The following NPHP4 variants were observed in gnomAD, a reference collection of about 807,000 sequenced individuals.
The protein encoded by NPHP4 is nephrocystin-4.
A neutral mutation model predicts 155.8 loss-of-function variants in NPHP4; 151 were observed. The observed-to-expected ratio is 0.97, with a 90% CI of 0.85 to 1.11. The LOEUF (loss-of-function observed/expected upper bound fraction) is 1.11. Ranked by LOEUF, NPHP4 falls within the 50% of genes least tolerant of loss-of-function variation. NPHP4 has a pLI of 0.00. For synonymous variants in NPHP4, 845 were observed against 816.8 expected (o/e 1.03, Z -0.59); for missense variants, 1,956 against 1,925.7 (o/e 1.02, Z -0.29).
chr1:5,877,174 G>A lies in NPHP4; in HGVS notation c.2736C>T (p.Arg912=), dbSNP rs754514091. The change falls in exon 20 of 30, where the codon CGC becomes CGT. Residue 912 remains arginine, a synonymous_variant. Transcript: ENST00000378156. ...QDVSRESDAT[R]RRKLERMRSV... ...ACCTCATCCGCTCCAGCTTACGCCTGCGGGTGGCATCCGACTCGCGGCTGA... is the reference window on the plus strand; with the variant it reads ...ACCTCATCCGCTCCAGCTTACGCCTACGGGTGGCATCCGACTCGCGGCTGA... 49 of 1,606,290 alleles carry A rather than the reference G, an allele frequency of 3.1e-5. No individual in the cohort carries two copies. The highest frequency in any genetic ancestry group is 2.7e-4 in the Admixed American group (16 of 59,394).
At chr1:5,957,113 G>A (rs577084102) in intron 6 of NPHP4, among the ~76,000 whole-genome samples, 9 of 152,282 alleles carry the variant, frequency 5.9e-5, no homozygotes, top group African/African-American at 1.7e-4. Context: ...CAGCAGAGGC[G>A]TTCTGCCCTT....
rs559150757 is a variant in NPHP4 at position 5,953,534 on chromosome 1, G to A, written c.674-698C>T. On this transcript the variant is annotated intron_variant, in intron 6 of 29. Coordinates refer to ENST00000378156, the MANE Select transcript of NPHP4 (RefSeq NM_015102.5). ...CTCCAGCAGGAACACGGCCAGCCAC[G>A]CCGCTCCTTACTTTACTGTGTTACC... is the stretch of plus-strand genomic sequence containing the variant. 6.6e-4 allele frequency among the ~76,000 whole-genome samples: 100 copies of A among 152,316 alleles called. No individual in the cohort carries two copies. The South Asian group carries it at 0.013, about 19-fold the overall frequency.
chr1:5,892,218 A>G lies in NPHP4; in HGVS notation c.2144-1190T>C, dbSNP rs1455557682. Among the ~76,000 whole-genome samples the G allele has an allele frequency of 1.3e-5, 2 of 152,190 alleles. No homozygotes were observed. Among genetic ancestry groups the G allele is most frequent in the Non-Finnish European group, 2.9e-5 (2 of 68,016 alleles). ...TGAGAGCTCCCAGCATGAGCGACGCAGAAGATGGGTGATTTCTGCATTTCC... is the reference window on the plus strand; with the variant it reads ...TGAGAGCTCCCAGCATGAGCGACGCGGAAGATGGGTGATTTCTGCATTTCC... On this transcript the variant is annotated intron_variant, in intron 16 of 29. Transcript: ENST00000378156. This position sits in a 1 kb window ranked among gnomAD's most constrained non-coding sequence, Gnocchi z 4.5.
intron 25 of NPHP4, among the ~76,000 whole-genome samples, 192 bp downstream of exon 25, chr1:5,866,838 A>G (rs1003440838): frequency 1.3e-5 from 2 of 152,222 alleles, no homozygotes; most frequent in Non-Finnish European, 2.9e-5. Flanking sequence ...CTGATCTGCT[A>G]GTAGAAAAAA....
intron 19 of NPHP4, among the ~76,000 whole-genome samples, chr1:5,878,074 G>A (rs549821347): frequency 2.6e-5 from 4 of 152,278 alleles, no homozygotes; most frequent in Middle Eastern, 3.4e-3. Context: ...GGCACAGGCA[G>A]GGCAGCTGAG....
chr1:5,964,937 A>ATTTTTTTTTT (rs1400602210), intron 5 of NPHP4, among the ~76,000 whole-genome samples: 749 of 54,738 alleles, frequency 0.014, 55 homozygotes, highest in African/African-American at 0.038. Flanking sequence ...ATATATATAT[A>ATTTTTTTTTT]TATATTTTTT....
chr1:5,951,010 A>C (rs952819207), intron 7 of NPHP4, among the ~76,000 whole-genome samples: 1 of 152,054 alleles, frequency 6.6e-6, no homozygotes, highest in African/African-American at 2.4e-5. Flanking sequence ...CAGCAAAACA[A>C]AACAGAAGAA....
In NPHP4 at chr1:5,961,928, A is replaced by G. The variant is rs759671585; in HGVS notation, c.539T>C (p.Ile180Thr). ...CGTGTACTGCAGGCTGCAGTTCTCA[A>G]TGAGGGTCATGTGTCTGTTTTCTGG... is the stretch of plus-strand genomic sequence containing the variant. ...PAEQNRHMTL[I>T]ENCSLQYTLK... The change falls in exon 6 of 30, where the codon ATT becomes ACT. Residue 180 changes from isoleucine (I) to threonine (T), a missense_variant. Coordinates refer to ENST00000378156, the MANE Select transcript of NPHP4 (RefSeq NM_015102.5). The G allele has an allele frequency of 1.2e-5, 20 of 1,604,682 alleles. No homozygotes were observed. Among genetic ancestry groups the G allele is most frequent in the Non-Finnish European group, 1.5e-5 (18 of 1,172,002 alleles).
chr1:5,967,258 C>G, intron 5 of NPHP4, 41 bp downstream of exon 5: 1 of 1,515,342 alleles, frequency 6.6e-7, no homozygotes, highest in Non-Finnish European at 9.0e-7. Flanking sequence ...AGGGAAGGCA[C>G]GAGAGCAGTG....
In NPHP4 at chr1:5,947,186, G is replaced by GGGAGGC. The variant is rs774688880; in HGVS notation, c.1031_1036dup (p.Arg344_Leu345dup). 2 of 1,613,914 alleles carry GGGAGGC rather than the reference G, an allele frequency of 1.2e-6. No homozygotes were observed. The highest frequency in any genetic ancestry group is 8.5e-7 in the Non-Finnish European group (1 of 1,179,854). On this transcript the variant is annotated inframe_insertion, in exon 9 of 30. Transcript: ENST00000378156. ...AAATGCAGGGTGGCCGACCATCTCT[G>GGGAGGC]GGAGGCGGAGGCGGCTTCTCAAAAC...
At chr1:5,942,593 A>AG (rs940915880) in intron 9 of NPHP4, among the ~76,000 whole-genome samples, 3 of 141,284 alleles carry the variant, frequency 2.1e-5, no homozygotes, top group African/African-American at 8.1e-5. Flanking sequence ...ATGACAAAAA[A>AG]AAAAAAAAAA....
Position 5,867,975 on chromosome 1 carries a change from G to C in NPHP4, c.3316-79C>G. On this transcript the variant is annotated intron_variant, in intron 23 of 29. Transcript: ENST00000378156. The surrounding 1 kb of genome is among the most constrained non-coding windows in gnomAD (Gnocchi z 4.1). ...TCTTGTCCCTCCTTAGACAGCACACGTATCTCCACTGTTGCCAAGACCCCC... is the reference window on the plus strand; with the variant it reads ...TCTTGTCCCTCCTTAGACAGCACACCTATCTCCACTGTTGCCAAGACCCCC... 4.8e-6 allele frequency: 7 copies of C among 1,472,112 alleles called. No homozygotes were observed. The highest frequency in any genetic ancestry group is 6.6e-6 in the Non-Finnish European group (7 of 1,053,170). The allele number at this position is 1,472,112 out of a possible 1,614,324, so 91.2% of individuals were successfully genotyped here. A position where few individuals can be genotyped will look rare whatever the true frequency, so the allele number is the denominator to read the frequency against.
At chr1:5,948,502 C>T (rs768272799) in intron 7 of NPHP4, among the ~76,000 whole-genome samples, 12 of 152,230 alleles carry the variant, frequency 7.9e-5, no homozygotes, top group Non-Finnish European at 1.8e-4. Context: ...CAGCAACGCA[C>T]ACCCTCAGAT....
intron 19 of NPHP4, among the ~76,000 whole-genome samples, chr1:5,877,867 C>T (rs1290744665): frequency 1.3e-5 from 2 of 152,234 alleles, no homozygotes; most frequent in Non-Finnish European, 2.9e-5. Flanking sequence ...ACCAGGGACA[C>T]ACAATGACTC....
chr1:5,865,686 G>A (rs932123064), intron 26 of NPHP4: 4 of 173,270 alleles, frequency 2.3e-5, no homozygotes, highest in Admixed American at 5.7e-5. Context: ...AGGTCATGCC[G>A]GCCTGAGCAC....
chr1:5,909,295 C>T (rs1484204598), intron 11 of NPHP4, 82 bp from the exon 12 acceptor site: 8 of 1,041,304 alleles, frequency 7.7e-6, no homozygotes, highest in Non-Finnish European at 1.2e-5. Context: ...CCCACGCAGT[C>T]AGGTCTCCAC....
intron 1 of NPHP4, among the ~76,000 whole-genome samples, chr1:5,987,848 G>T (rs1655712824): frequency 6.6e-6 from 1 of 152,114 alleles, no homozygotes; most frequent in Admixed American, 6.5e-5. Flanking sequence ...TCTCAAACGT[G>T]AACAAAGTTA....
At position 5,910,188 on chromosome 1, in the gene NPHP4, C is replaced by T. The variant is rs1202691218; in HGVS notation, c.1442-975G>A. 6.6e-6 allele frequency among the ~76,000 whole-genome samples: 1 copy of T among 152,210 alleles called. No homozygotes were observed. Among genetic ancestry groups the T allele is most frequent in the Non-Finnish European group, 1.5e-5 (1 of 68,034 alleles). On this transcript the variant is annotated intron_variant, in intron 11 of 29. Coordinates refer to ENST00000378156, the MANE Select transcript of NPHP4 (RefSeq NM_015102.5). This position sits in a 1 kb window ranked among gnomAD's most constrained non-coding sequence, Gnocchi z 5.4. Reference sequence around the variant, plus strand: ...CCATCCTGACGGGGCCACCTCTGCCCACTCAGAGGCCAGGGTGGGAGCCCT... The same window carrying T: ...CCATCCTGACGGGGCCACCTCTGCCTACTCAGAGGCCAGGGTGGGAGCCCT...
chr1:5,880,340 A>G (rs1185290957), intron 18 of NPHP4, 101 bp from the exon 19 acceptor site: 9 of 1,223,622 alleles, frequency 7.4e-6, no homozygotes, highest in East Asian at 2.5e-5. Flanking sequence ...CAAATGGCCT[A>G]TCTACACCCT....
Sources: gnomAD v4.1 joint callset for allele counts (sites outside exome capture counted in the v4.1 genomes callset) on GRCh38, gnomAD v4.1.1 for gene constraint, Gnocchi (gnomAD v3.1) non-coding constraint, MANE v1.5 for transcripts, NCBI Gene and HGNC (gene_info 2026-07-23, HGNC 2026-07-21) for gene names.